The following NOXA1 variants were observed in gnomAD, a reference collection of about 807,000 sequenced individuals.
NOXA1 encodes NCF2-like protein.
NOXA1 carries 56 observed loss-of-function variants against 64.8 expected under a neutral mutation model. The ratio of observed to expected loss-of-function variants is 0.86; its 90% CI spans 0.70 to 1.08. NOXA1 has a LOEUF of 1.08. Ranked by LOEUF, NOXA1 falls within the 50% of genes least tolerant of loss-of-function variation. The probability of loss-of-function intolerance (pLI) is 0.00; values close to 1 mark genes in which losing one functional copy is unlikely to be tolerated. For missense variants in NOXA1, 668 were observed against 658.5 expected (o/e 1.01, Z -0.16); for synonymous variants, 295 against 294.8 (o/e 1.00, Z -0.01).
At chr9:137,426,636 C>G (rs1415854041) in intron 2 of NOXA1, among the ~76,000 whole-genome samples, 1 of 152,038 alleles carries the variant, frequency 6.6e-6, no homozygotes, top group Non-Finnish European at 1.5e-5. Context: ...GGCCTCTCTG[C>G]TAGACACTCA....
At position 137,431,531 on chromosome 9, in the gene NOXA1, G is replaced by C. The variant is rs1839111092; in HGVS notation, c.804+190G>C. 6.6e-6 allele frequency among the ~76,000 whole-genome samples: 1 copy of C among 152,204 alleles called. No individual in the cohort carries two copies. Among genetic ancestry groups the C allele is most frequent in the Non-Finnish European group, 1.5e-5 (1 of 68,014 alleles). On this transcript the variant is annotated intron_variant, in intron 8 of 13. Transcript: ENST00000683555. The surrounding 1 kb of genome is among the most constrained non-coding windows in gnomAD (Gnocchi z 5.6). ...GGATGCCTGGCTGTGCCCGAGGCGA[G>C]TGGGCATTGGCCATCAGGACAGGAG... is the stretch of plus-strand genomic sequence containing the variant.
At chr9:137,427,181 A>T (rs1437293323) in intron 2 of NOXA1, among the ~76,000 whole-genome samples, 1 of 152,242 alleles carries the variant, frequency 6.6e-6, no homozygotes, top group East Asian at 1.9e-4. Context: ...GACAAAAATA[A>T]CATACATATT....
At chr9:137,428,388 G>T (rs918589552) in intron 3 of NOXA1, among the ~76,000 whole-genome samples, 1 of 152,128 alleles carries the variant, frequency 6.6e-6, no homozygotes, top group Non-Finnish European at 1.5e-5. Flanking sequence ...AAAGGCTGCT[G>T]GGTGGGCAGG....
At position 137,431,482 on chromosome 9, in the gene NOXA1, C is replaced by T; in HGVS notation, c.804+141C>T. ...GACGGGGCCGGGCTCACCCGTGGTC[C>T]TGGCCCAGCCCAGCCAGATGGGAGG... is the stretch of plus-strand genomic sequence containing the variant. On this transcript the variant is annotated intron_variant, in intron 8 of 13. Transcript: ENST00000683555. The surrounding 1 kb of genome is among the most constrained non-coding windows in gnomAD (Gnocchi z 5.6). 1.4e-6 allele frequency: 1 copy of T among 704,754 alleles called. No homozygotes were observed. Among genetic ancestry groups the T allele is most frequent in the South Asian group, 1.7e-5 (1 of 57,318 alleles). 43.7% of individuals were successfully genotyped at this position (704,754 alleles called of 1,614,324 possible). A position where few individuals can be genotyped will look rare whatever the true frequency, so the allele number is the denominator to read the frequency against.
At chr9:137,428,749 TGG>T (rs1179086334) in intron 3 of NOXA1, 131 bp from the exon 4 acceptor site, 8 of 323,406 alleles carry the variant, frequency 2.5e-5, no homozygotes, top group Non-Finnish European at 3.6e-5. Context: ...GGTGGGGGGA[TGG>T]GGGAGGGGCC....
chr9:137,424,323 C>G (rs947266929), intron 1 of NOXA1, among the ~76,000 whole-genome samples: 1 of 152,258 alleles, frequency 6.6e-6, no homozygotes, highest in African/African-American at 2.4e-5. Flanking sequence ...GGTCTCCACG[C>G]CCCTGACTGG....
chr9:137,434,347 G>C lies in NOXA1; in HGVS notation c.1418G>C (p.Gly473Ala). The C allele has an allele frequency of 6.2e-7, 1 of 1,600,580 alleles. No individual in the cohort carries two copies. The highest frequency in any genetic ancestry group is 8.5e-7 in the Non-Finnish European group (1 of 1,174,668). Residue 473 changes from glycine to alanine, a missense_variant, in exon 14 of 14, where the codon GGA becomes GCA. By Grantham distance (60) the Gly-to-Ala change is moderately conservative (BLOSUM62 0). Coordinates refer to ENST00000683555, the MANE Select transcript of NOXA1 (RefSeq NM_001256067.2). The stretch of plus-strand genomic sequence containing the variant: ...GGCCGCCTGCCCCGATCCCAGCAGG[G>C]AGATCAGCCCTAATGATGCTGTGTC... Reference protein sequence around the residue: ...APGRLPRSQQGDQP With the variant: ...APGRLPRSQQADQP
At position 137,431,097 on chromosome 9, in the gene NOXA1, C is replaced by G; in HGVS notation, c.695C>G (p.Ala232Gly). ...QPQGPGANHDARSLIMDSPRA... is the reference protein window; with the variant it reads ...QPQGPGANHDGRSLIMDSPRA... ...CAGGGACCAGGAGCGAACCATGATG[C>G]CAGGTAGGAGGGGCTGACTGGGCCC... is the stretch of plus-strand genomic sequence containing the variant. The change falls in exon 7 of 14, where the codon GCC becomes GGC. Residue 232 changes from alanine (A) to glycine (G), a missense_variant. Physicochemically the swap from Ala to Gly is moderately conservative, Grantham distance 60. Coordinates refer to ENST00000683555, the MANE Select transcript of NOXA1 (RefSeq NM_001256067.2). This position sits in a 1 kb window ranked among gnomAD's most constrained non-coding sequence, Gnocchi z 5.6. 1 of 1,613,206 alleles carries G rather than the reference C, an allele frequency of 6.2e-7. No individual in the cohort carries two copies. Among genetic ancestry groups the G allele is most frequent in the Non-Finnish European group, 8.5e-7 (1 of 1,179,982 alleles).
At chr9:137,429,218 C>T (rs1337382177) in intron 4 of NOXA1, 58 bp from the exon 5 acceptor site, 17 of 1,383,258 alleles carry the variant, frequency 1.2e-5, no homozygotes, top group South Asian at 4.2e-5. Flanking sequence ...AGGGGCTCTG[C>T]GGCTGCAGGC....
chr9:137,428,762 A>T, intron 3 of NOXA1, 120 bp from the exon 4 acceptor site: 5 of 616,166 alleles, frequency 8.1e-6, no homozygotes, highest in Non-Finnish European at 1.1e-5. Flanking sequence ...GGGAGGGGCC[A>T]GGTGGGGGGA....
chr9:137,427,992 T>C, intron 2 of NOXA1, 41 bp from the exon 3 acceptor site: 1 of 1,400,374 alleles, frequency 7.1e-7, no homozygotes, highest in Non-Finnish European at 9.9e-7. Flanking sequence ...CACAGCCCCA[T>C]CTCCGCCCTG....
In NOXA1 at chr9:137,428,929, A is replaced by G. The variant is rs560244882; in HGVS notation, c.417A>G (p.Thr139=). 29 of 1,596,000 alleles carry G rather than the reference A, an allele frequency of 1.8e-5. No individual in the cohort carries two copies. The African/African-American group carries it at 3.7e-4, about 21-fold the overall frequency. Residue 139 remains threonine (T), a synonymous_variant, in exon 4 of 14, where the codon ACA becomes ACG. Transcript: ENST00000683555. ...CACAGTGCCAGCTGGGGCTCTGGAC[A>G]GAGGCGGCCAGCAGCCTAAGGGAGG... ...ASAQCQLGLW[T]EAASSLREAM...
At position 137,432,999 on chromosome 9, in the gene NOXA1, C is replaced by T. The variant is rs758145505; in HGVS notation, c.805-30C>T. ...ACCGGCCTCCAGCACCTGACCGCCCCAGCCCACCCAGCCTGTGCTTCTCTT... is the reference window on the plus strand; with the variant it reads ...ACCGGCCTCCAGCACCTGACCGCCCTAGCCCACCCAGCCTGTGCTTCTCTT... On this transcript the variant is annotated intron_variant, in intron 8 of 13. Coordinates refer to ENST00000683555, the MANE Select transcript of NOXA1 (RefSeq NM_001256067.2). 4 of 1,611,572 alleles carry T rather than the reference C, an allele frequency of 2.5e-6. No individual in the cohort carries two copies. The South Asian group carries it at 3.3e-5, about 13-fold the overall frequency.
Position 137,431,375 on chromosome 9 carries a change from G to A in NOXA1, c.804+34G>A. 1 of 1,554,770 alleles carries A rather than the reference G, an allele frequency of 6.4e-7. No individual in the cohort carries two copies. ...GCCTGGGCCTCTTCCCCTGCTGGGG[G>A]TCGGTGCTTCTGCTGCCTCCGCAGA... is the stretch of plus-strand genomic sequence containing the variant. On this transcript the variant is annotated intron_variant, in intron 8 of 13. Transcript: ENST00000683555. The surrounding 1 kb of genome is among the most constrained non-coding windows in gnomAD (Gnocchi z 5.6).
intron 3 of NOXA1, 42 bp downstream of exon 3, chr9:137,428,183 G>A (rs1434103568): frequency 1.4e-6 from 2 of 1,430,314 alleles, no homozygotes; most frequent in Non-Finnish European, 1.9e-6. Flanking sequence ...GCTGTGGGGT[G>A]TCCACGGGCG....
chr9:137,432,273 C>T (rs1306168545), intron 8 of NOXA1, among the ~76,000 whole-genome samples: 1 of 87,246 alleles, frequency 1.1e-5, no homozygotes, highest in African/African-American at 4.3e-5. Context: ...CAGCAAGACC[C>T]TGTCTCAAAA....
intron 1 of NOXA1, among the ~76,000 whole-genome samples, chr9:137,424,162 C>T (rs895824487): frequency 1.3e-5 from 2 of 152,274 alleles, no homozygotes; most frequent in South Asian, 2.1e-4. Context: ...CCTCGCGTTC[C>T]GGGGCCGCCT....
intron 12 of NOXA1, 50 bp downstream of exon 12, chr9:137,433,914 G>T (rs1225670983): frequency 3.3e-6 from 5 of 1,500,768 alleles, no homozygotes; most frequent in Non-Finnish European, 4.5e-6. Flanking sequence ...GGCGGTGGAG[G>T]CCCCTCCTCC....
chr9:137,423,811 C>A, intron 1 of NOXA1, 105 bp downstream of exon 1: 1 of 994,902 alleles, frequency 1.0e-6, no homozygotes, highest in Non-Finnish European at 1.3e-6. Flanking sequence ...CCTGCCGCCC[C>A]CGACCCAGCG....
Sources: gnomAD v4.1 joint callset for allele counts (sites outside exome capture counted in the v4.1 genomes callset) on GRCh38, gnomAD v4.1.1 for gene constraint, Gnocchi (gnomAD v3.1) non-coding constraint, MANE v1.5 for transcripts, NCBI Gene and HGNC (gene_info 2026-07-23, HGNC 2026-07-21) for gene names.